PTPRN2: variants seen among roughly 807,000 people sequenced by gnomAD.
PTPRN2 encodes protein tyrosine phosphatase receptor type N2.
In PTPRN2, 74 loss-of-function variants were observed where a neutral mutation model predicts 118.8. The observed-to-expected ratio is 0.62, with a 90% CI of 0.52 to 0.76. PTPRN2 has a LOEUF of 0.76. PTPRN2 is among the 30% of genes least tolerant of loss of function. The pLI, the probability that PTPRN2 is intolerant of heterozygous loss-of-function variation, is 0.00. For synonymous variants in PTPRN2, 641 were observed against 608.0 expected (o/e 1.05, Z -0.80); for missense variants, 1,481 against 1,394.4 (o/e 1.06, Z -0.99).
At chr7:158,395,729 G>GGT (rs1812400627) in intron 2 of PTPRN2, among the ~76,000 whole-genome samples, 2 of 4,084 alleles carry the variant, frequency 4.9e-4, no homozygotes, top group East Asian at 5.1e-3. Context: ...AGGCGCGAGG[G>GGT]GAGAGGGGAG....
intron 13 of PTPRN2, among the ~76,000 whole-genome samples, chr7:157,667,917 C>T (rs1022669741): frequency 1.3e-5 from 2 of 152,254 alleles, no homozygotes; most frequent in East Asian, 1.9e-4. Context: ...GCACTGCAAG[C>T]GCCCACACCA....
rs571317886 is a variant in PTPRN2, at chr7:157,967,666, A to T, written c.1724-68929T>A. Among the ~76,000 whole-genome samples the T allele has an allele frequency of 5.8e-4, 88 of 152,318 alleles. 1 individual carries two copies. Among genetic ancestry groups the T allele is most frequent in the Admixed American group, 1.0e-3 (16 of 15,300 alleles). ...TGCTGACCCATTCCACAAGTCATCA[A>T]CTCGCACAAGTTATGTATGTGCAGT... is the stretch of plus-strand genomic sequence containing the variant. On this transcript the variant is annotated intron_variant, in intron 11 of 22. Transcript: ENST00000389418.
chr7:157,599,623 C>T (rs1801545657), intron 16 of PTPRN2, among the ~76,000 whole-genome samples: 1 of 152,218 alleles, frequency 6.6e-6, no homozygotes, highest in Non-Finnish European at 1.5e-5. Context: ...GTCCTGCAGT[C>T]CTCAACAGCC....
intron 12 of PTPRN2, among the ~76,000 whole-genome samples, chr7:157,834,376 C>A (rs1226980753): frequency 9.5e-6 from 1 of 105,446 alleles, no homozygotes; most frequent in Non-Finnish European, 1.9e-5. Flanking sequence ...AGTGAGCCAG[C>A]AGCACTCCCT....
chr7:157,739,172 C>G (rs776779457), intron 12 of PTPRN2: 3 of 152,234 alleles, frequency 2.0e-5, no homozygotes, highest in Non-Finnish European at 4.4e-5. Flanking sequence ...CAAGGTCACA[C>G]GGTTAATCCT....
At chr7:158,421,286 T>C (rs1815223990) in intron 2 of PTPRN2, among the ~76,000 whole-genome samples, 1 of 152,224 alleles carries the variant, frequency 6.6e-6, no homozygotes, top group South Asian at 2.1e-4. Flanking sequence ...TGGATATTAG[T>C]GACACCCACC....
In PTPRN2 at chr7:158,491,782, G is replaced by A. The variant is rs1227936073; in HGVS notation, c.113-1997C>T. On this transcript the variant is annotated intron_variant, in intron 1 of 22. Transcript: ENST00000389418. ...TGGGATTACAGGCGTGAGCCACCGC[G>A]CCTGGCCAGCATTTCATTTCTTAAT... 3.9e-5 allele frequency among the ~76,000 whole-genome samples: 6 copies of A among 152,140 alleles called. No homozygotes were observed. In the East Asian group the frequency reaches 7.7e-4, roughly 20 times the overall value.
intron 1 of PTPRN2, among the ~76,000 whole-genome samples, chr7:158,504,366 G>A (rs577577724): frequency 6.6e-6 from 1 of 152,112 alleles, no homozygotes; most frequent in South Asian, 2.1e-4. Flanking sequence ...CCCACAACAG[G>A]TGCCCAGTCT....
At chr7:158,510,307 G>A (rs1823078248) in intron 1 of PTPRN2, among the ~76,000 whole-genome samples, 1 of 152,206 alleles carries the variant, frequency 6.6e-6, no homozygotes, top group Admixed American at 6.5e-5. Flanking sequence ...GTGCTCCGAG[G>A]AAACATTTCA....
chr7:158,033,586 A>G (rs1807850569), intron 11 of PTPRN2, among the ~76,000 whole-genome samples: 1 of 152,082 alleles, frequency 6.6e-6, no homozygotes, highest in African/African-American at 2.4e-5. Context: ...AGGAGAGGGG[A>G]GGGCTGGTGG....
chr7:158,548,179 G>A lies in PTPRN2; in HGVS notation c.112+39379C>T, dbSNP rs139009661. Among the ~76,000 whole-genome samples the A allele has an allele frequency of 5.9e-3, 894 of 152,356 alleles. 2 individuals carry two copies. The highest frequency in any genetic ancestry group is 0.024 in the Middle Eastern group (7 of 294). ...GATGAGGAGCAGGACCAGCACTGGA[G>A]GAGATCAGGATCCTGTCACAATGTA... On this transcript the variant is annotated intron_variant, in intron 1 of 22. Coordinates refer to ENST00000389418, the MANE Select transcript of PTPRN2 (RefSeq NM_002847.5).
At chr7:157,841,871 G>A in intron 12 of PTPRN2, among the ~76,000 whole-genome samples, 1 of 150,978 alleles carries the variant, frequency 6.6e-6, no homozygotes, top group East Asian at 2.0e-4. Context: ...CGGGCCTGCA[G>A]CCTGCAGGGG....
intron 2 of PTPRN2, among the ~76,000 whole-genome samples, chr7:158,340,577 A>T (rs549269410): frequency 2.9e-4 from 34 of 119,130 alleles, no homozygotes; most frequent in African/African-American, 1.0e-3. Flanking sequence ...TCTCACCATA[A>T]GAGCCGACGC....
At chr7:158,186,441 C>T (rs1473798060) in intron 5 of PTPRN2, among the ~76,000 whole-genome samples, 1 of 152,200 alleles carries the variant, frequency 6.6e-6, no homozygotes, top group East Asian at 1.9e-4. Flanking sequence ...CTACGTCCAT[C>T]GTACACCTGC....
intron 12 of PTPRN2, among the ~76,000 whole-genome samples, chr7:157,799,954 C>T (rs1408091830): frequency 6.6e-6 from 1 of 150,718 alleles, no homozygotes; most frequent in Non-Finnish European, 1.5e-5. Context: ...GCACCACAGC[C>T]GGCCTCCTTT....
chr7:158,561,476 A>C (rs1166400649), intron 1 of PTPRN2, among the ~76,000 whole-genome samples: 4 of 152,238 alleles, frequency 2.6e-5, no homozygotes, highest in African/African-American at 9.6e-5. Flanking sequence ...GAAAAGACCA[A>C]ATGGTGTTAC....
chr7:158,032,791 A>G (rs1278147555), intron 11 of PTPRN2, among the ~76,000 whole-genome samples: 1 of 152,174 alleles, frequency 6.6e-6, no homozygotes, highest in African/African-American at 2.4e-5. Context: ...TAAACCCAGG[A>G]CCACAACGGC....
intron 16 of PTPRN2, among the ~76,000 whole-genome samples, chr7:157,597,756 T>C (rs867229105): frequency 1.8e-4 from 28 of 152,122 alleles, no homozygotes; most frequent in African/African-American, 6.5e-4. Flanking sequence ...GAACAGGAAG[T>C]GTGGGCTGTG....
At chr7:158,113,629 T>C (rs1816470863) in intron 9 of PTPRN2, among the ~76,000 whole-genome samples, 1 of 152,098 alleles carries the variant, frequency 6.6e-6, no homozygotes, top group African/African-American at 2.4e-5. Flanking sequence ...CCGTGACTAG[T>C]CTAGCCTCAG....
Sources: gnomAD v4.1 joint callset for allele counts (sites outside exome capture counted in the v4.1 genomes callset) on GRCh38, gnomAD v4.1.1 for gene constraint, MANE v1.5 for transcripts, NCBI Gene and HGNC (gene_info 2026-07-23, HGNC 2026-07-21) for gene names.